PAGE2B: variants seen among roughly 807,000 people sequenced by gnomAD.
PAGE2B encodes putative G antigen family E member 3.
In PAGE2B, 5 loss-of-function variants were observed where a neutral mutation model predicts 7.6. The ratio of observed to expected loss-of-function variants is 0.66; its 90% CI spans 0.34 to 1.38. PAGE2B has a LOEUF of 1.38. PAGE2B is among the 40% of genes most tolerant of loss of function. The pLI, the probability that PAGE2B is intolerant of heterozygous loss-of-function variation, is 0.04. For synonymous variants in PAGE2B, 29 were observed against 26.7 expected, an observed-to-expected ratio of 1.09 and a Z score of -0.27; for missense variants, 70 against 78.4, an observed-to-expected ratio of 0.89 and a Z score of 0.41.
the PAGE2B span, among the ~76,000 whole-genome samples, chrX:55,046,995 G>A: frequency 9.0e-6 from 1 of 111,369 alleles, no homozygotes; most frequent in African/African-American, 3.3e-5. Context: ...TGTTACATAT[G>A]TATACATGTG....
chrX:55,058,706 A>G, the PAGE2B span, among the ~76,000 whole-genome samples: 1 of 111,418 alleles, frequency 9.0e-6, no homozygotes, highest in African/African-American at 3.3e-5. Flanking sequence ...TGATGTAGAT[A>G]CTATTACTAT....
the PAGE2B span, among the ~76,000 whole-genome samples, chrX:55,054,458 C>T: frequency 8.9e-6 from 1 of 112,030 alleles, no homozygotes; most frequent in Non-Finnish European, 1.9e-5. Flanking sequence ...GTGATTAGCT[C>T]AAATTGTGTT....
the PAGE2B span, among the ~76,000 whole-genome samples, chrX:55,029,410 A>C: frequency 1.8e-5 from 2 of 112,393 alleles, no homozygotes; most frequent in African/African-American, 3.2e-5. Flanking sequence ...AATCCCAAAA[A>C]GATTAAGTAA....
At chrX:55,074,116 G>T (rs1477835321), upstream of PAGE2B, among the ~76,000 whole-genome samples, 2 of 111,643 alleles carry the variant, frequency 1.8e-5, no homozygotes, top group Non-Finnish European at 3.8e-5. Context: ...CACAGTCATT[G>T]TGTGGGATAT....
chrX:55,034,434 C>T, the PAGE2B span, among the ~76,000 whole-genome samples: 3 of 111,157 alleles, frequency 2.7e-5, no homozygotes, highest in Non-Finnish European at 5.7e-5. Flanking sequence ...AACTTCTTCC[C>T]ATATCAATTT....
At chrX:55,054,832 T>C in the PAGE2B span, 1 of 111,860 alleles carries the variant, frequency 8.9e-6, no homozygotes, top group Non-Finnish European at 1.9e-5. Context: ...ATGGTAGATA[T>C]AACTGCCTTG....
the PAGE2B span, among the ~76,000 whole-genome samples, chrX:55,059,997 C>G: frequency 9.0e-6 from 1 of 111,177 alleles, no homozygotes; most frequent in East Asian, 2.8e-4. Flanking sequence ...GTGCCCGTCT[C>G]TGTGTGTGTA....
chrX:55,061,975 G>A, the PAGE2B span, among the ~76,000 whole-genome samples: 4 of 111,458 alleles, frequency 3.6e-5, no homozygotes, highest in Admixed American at 9.5e-5. Context: ...TAAGTACCAC[G>A]TTTTCCTTAT....
chrX:55,042,653 C>CAAAAAAAAAAA, the PAGE2B span, among the ~76,000 whole-genome samples: 3 of 11,860 alleles, frequency 2.5e-4, no homozygotes, highest in Non-Finnish European at 3.7e-4. Context: ...GACTCCGTCT[C>CAAAAAAAAAAA]AAAAAAAAAA....
the PAGE2B span, among the ~76,000 whole-genome samples, chrX:55,065,880 T>C: frequency 8.9e-6 from 1 of 111,941 alleles, no homozygotes; most frequent in Non-Finnish European, 1.9e-5. Flanking sequence ...TTTGTAACTC[T>C]TTGTAGTTTA....
the PAGE2B span, among the ~76,000 whole-genome samples, chrX:55,037,679 G>T: frequency 7.3e-5 from 8 of 109,817 alleles, no homozygotes; most frequent in Non-Finnish European, 9.5e-5. Context: ...TAGACTGGAT[G>T]AAGAAAATGT....
the PAGE2B span, among the ~76,000 whole-genome samples, chrX:55,063,087 C>A: frequency 9.0e-6 from 1 of 110,803 alleles, no homozygotes; most frequent in East Asian, 2.8e-4. Flanking sequence ...TATTCTGTGT[C>A]TTTTGTGGTT....
At chrX:55,042,527 G>A in the PAGE2B span, among the ~76,000 whole-genome samples, 3 of 104,784 alleles carry the variant, frequency 2.9e-5, no homozygotes, top group African/African-American at 7.0e-5. Context: ...AGTGGCGGGC[G>A]CCTGTAGTCC....
At chrX:55,060,793 GT>G in the PAGE2B span, among the ~76,000 whole-genome samples, 3 of 109,145 alleles carry the variant, frequency 2.7e-5, no homozygotes, top group African/African-American at 6.6e-5. Context: ...TTGATCTCTG[GT>G]TTTTTTTGTG....
At chrX:55,052,610 G>C in the PAGE2B span, among the ~76,000 whole-genome samples, 1 of 112,796 alleles carries the variant, frequency 8.9e-6, no homozygotes, top group South Asian at 3.6e-4. Flanking sequence ...CTCCAACTCA[G>C]GTGCGGGATA....
intron 3 of PAGE2B, 84 bp downstream of exon 3, chrX:55,076,761 G>A (rs1215480361): frequency 1.7e-5 from 11 of 631,853 alleles, no homozygotes; most frequent in Non-Finnish European, 2.7e-5. Context: ...GTAACAGGAG[G>A]ACAGAAAGCA....
At chrX:55,039,857 A>G in the PAGE2B span, among the ~76,000 whole-genome samples, 1 of 111,888 alleles carries the variant, frequency 8.9e-6, no homozygotes, top group African/African-American at 3.2e-5. Context: ...TCTTTTCAAT[A>G]GCTTCTTCAC....
the PAGE2B span, among the ~76,000 whole-genome samples, chrX:55,060,271 C>T: frequency 2.2e-4 from 24 of 111,266 alleles, no homozygotes; most frequent in Admixed American, 2.1e-3. Flanking sequence ...CTCAATATCC[C>T]CCCAACACTT....
the PAGE2B span, among the ~76,000 whole-genome samples, chrX:55,033,340 G>C: frequency 9.0e-6 from 1 of 111,481 alleles, no homozygotes; most frequent in African/African-American, 3.3e-5. Context: ...ATACTTAGGT[G>C]GTGCCTCTCT....
Sources: gnomAD v4.1 joint callset for allele counts (sites outside exome capture counted in the v4.1 genomes callset) on GRCh38, gnomAD v4.1.1 for gene constraint, MANE v1.5 for transcripts, NCBI Gene and HGNC (gene_info 2026-07-23, HGNC 2026-07-21) for gene names.